The following TCHP variants were observed in gnomAD, a reference collection of about 807,000 sequenced individuals.
The protein encoded by TCHP is trichoplein keratin filament-binding protein.
Under a neutral mutation model 88.7 loss-of-function variants are expected in TCHP, and 81 were observed. The ratio of observed to expected loss-of-function variants is 0.91; its 90% confidence interval spans 0.76 to 1.10. TCHP has a LOEUF of 1.10. TCHP is among the 50% of genes least tolerant of loss of function. TCHP has a pLI of 0.00. For missense variants in TCHP, 641 were observed against 632.1 expected, an observed-to-expected ratio of 1.01 and a Z score of -0.15; for synonymous variants, 232 against 232.5, an observed-to-expected ratio of 1.00 and a Z score of 0.02.
intron 3 of TCHP, 28 bp from the exon 4 acceptor site, chr12:109,904,709 G>A: frequency 6.2e-7 from 1 of 1,605,412 alleles, no homozygotes; most frequent in Non-Finnish European, 8.5e-7. Flanking sequence ...AATGACATCA[G>A]GCTTTCCATT....
chr12:109,882,096 G>A, the TCHP span, among the ~76,000 whole-genome samples: 1 of 152,302 alleles, frequency 6.6e-6, no homozygotes, highest in Non-Finnish European at 1.5e-5. Context: ...AAATAAAACA[G>A]TGTAGTGACG....
upstream of TCHP, among the ~76,000 whole-genome samples, chr12:109,899,145 A>G (rs2136062473): frequency 6.6e-6 from 1 of 152,354 alleles, no homozygotes; most frequent in South Asian, 2.1e-4. Context: ...ATCCAGGAAA[A>G]ACAGAGATGA....
rs77606151 is a variant in TCHP, at chr12:109,918,048, A to G, written c.*1425A>G. The G allele has an allele frequency of 6.0e-4, 91 of 152,340 alleles. No homozygotes were observed. The highest frequency in any genetic ancestry group is 2.0e-3 in the African/African-American group (83 of 41,584). The allele number at this position is 152,340 out of a possible 1,614,324, so 9.4% of individuals were successfully genotyped here. A position where few individuals can be genotyped will look rare whatever the true frequency, so the allele number is the denominator to read the frequency against. On this transcript the variant is annotated 3_prime_UTR_variant, in exon 13 of 13. Coordinates refer to ENST00000405876, the MANE Select transcript of TCHP (RefSeq NM_001143852.2). Reference sequence around the variant, plus strand: ...ATTTCAGATGTCCAGTAATGGTGAAATAAAATCCTGCTTCGACAGCATGGC... The same window carrying G: ...ATTTCAGATGTCCAGTAATGGTGAAGTAAAATCCTGCTTCGACAGCATGGC...
At chr12:109,906,408 T>G (rs1870124967) in intron 4 of TCHP, among the ~76,000 whole-genome samples, 164 bp from the exon 5 acceptor site, 2 of 152,174 alleles carry the variant, frequency 1.3e-5, no homozygotes, top group Admixed American at 1.3e-4. Flanking sequence ...CTATACATGT[T>G]GAAGTCACCC....
Position 109,904,138 on chromosome 12 carries a change from G to A in TCHP, c.390G>A (p.Gln130=), listed in dbSNP as rs1164964046. The change falls in exon 3 of 13, where the codon CAG becomes CAA. Residue 130 remains glutamine (Q), a synonymous_variant. Coordinates refer to ENST00000405876, the MANE Select transcript of TCHP (RefSeq NM_001143852.2). ...HGKLKSAKEE[Q]RKLIAEQLLY... Reference sequence around the variant, plus strand: ...AGCTGAAATCAGCCAAAGAAGAGCAGAGGAAACTGGTAACTCCCCAGAGGG... The same window carrying A: ...AGCTGAAATCAGCCAAAGAAGAGCAAAGGAAACTGGTAACTCCCCAGAGGG... 6.4e-7 allele frequency: 1 copy of A among 1,569,070 alleles called. No homozygotes were observed. Among genetic ancestry groups the A allele is most frequent in the South Asian group, 1.2e-5 (1 of 85,446 alleles).
In TCHP at chr12:109,917,231, T is replaced by C. The variant is rs1870869956; in HGVS notation, c.*608T>C. 6.6e-6 allele frequency: 1 copy of C among 152,218 alleles called. No individual in the cohort carries two copies. The highest frequency in any genetic ancestry group is 2.1e-4 in the South Asian group (1 of 4,834). The allele number at this position is 152,218 out of a possible 1,614,324, so 9.4% of individuals were successfully genotyped here. On this transcript the variant is annotated 3_prime_UTR_variant, in exon 13 of 13. Coordinates refer to ENST00000405876, the MANE Select transcript of TCHP (RefSeq NM_001143852.2). ...CCAGAAAAGTGGCAAGAGATGAGTC[T>C]TTCCTCCTCCAGGAAGCATTTTGGT...
intron 1 of TCHP, among the ~76,000 whole-genome samples, chr12:109,901,969 C>T (rs1242107443): frequency 2.0e-5 from 3 of 152,124 alleles, no homozygotes; most frequent in South Asian, 2.1e-4. Flanking sequence ...TGCCAAATAG[C>T]GAGGTGATTG....
At position 109,916,776 on chromosome 12, in the gene TCHP, C is replaced by G. The variant is rs1365051433; in HGVS notation, c.*153C>G. ...GCTCAGGTTCATCATTGAAACATCC[C>G]AGTGTTTGGCCAGACATTAAGGTGT... On this transcript the variant is annotated 3_prime_UTR_variant, in exon 13 of 13. Transcript: ENST00000405876. 2.4e-5 allele frequency: 17 copies of G among 698,646 alleles called. No homozygotes were observed. Among genetic ancestry groups the G allele is most frequent in the Non-Finnish European group, 3.4e-5 (14 of 412,440 alleles). 43.3% of individuals were successfully genotyped at this position (698,646 alleles called of 1,614,324 possible).
At chr12:109,904,182 C>G (rs750187115) in intron 3 of TCHP, 35 bp downstream of exon 3, 1 of 1,535,526 alleles carries the variant, frequency 6.5e-7, no homozygotes, top group Non-Finnish European at 8.8e-7. Flanking sequence ...GGCTGTGGAG[C>G]AGGAGTGTTC....
At chr12:109,881,248 CG>C in the TCHP span, among the ~76,000 whole-genome samples, 2 of 152,218 alleles carry the variant, frequency 1.3e-5, no homozygotes, top group Non-Finnish European at 2.9e-5. Flanking sequence ...TCTCCATTCA[CG>C]CCCTTTACAC....
the TCHP span, among the ~76,000 whole-genome samples, chr12:109,884,833 T>A: frequency 6.6e-6 from 1 of 152,238 alleles, no homozygotes. Flanking sequence ...TGAATGTGTA[T>A]TTCCTCCAAA....
intron 4 of TCHP, 130 bp downstream of exon 4, chr12:109,904,923 C>T (rs113163457): frequency 0.02 from 14,882 of 762,572 alleles, 223 homozygotes; most frequent in South Asian, 0.048. Flanking sequence ...CTGAAAAGAG[C>T]GCCAGGCAGA....
At chr12:109,912,686 G>A (rs185115287) in intron 9 of TCHP, among the ~76,000 whole-genome samples, 2 of 152,244 alleles carry the variant, frequency 1.3e-5, no homozygotes, top group East Asian at 3.9e-4. Context: ...AGCTACTCAG[G>A]AGACTGAGGT....
In TCHP at chr12:109,905,752, G is replaced by A. The variant is rs935664535; in HGVS notation, c.457-820G>A. ...GTGCAGTTTGCACTAATCTGTGGGA[G>A]GACTCCTTAGCCCTGTTGGCTTCGG... On this transcript the variant is annotated intron_variant, in intron 4 of 12. Transcript: ENST00000405876. The surrounding 1 kb of genome is among the most constrained non-coding windows in gnomAD (Gnocchi z 4.0). Among the ~76,000 whole-genome samples the A allele has an allele frequency of 7.2e-5, 11 of 152,208 alleles. No individual in the cohort carries two copies. Among genetic ancestry groups the A allele is most frequent in the African/African-American group, 2.7e-4 (11 of 41,438 alleles).
At position 109,908,637 on chromosome 12, in the gene TCHP, C is replaced by G. The variant is rs1870290405; in HGVS notation, c.751C>G (p.Leu251Val). Residue 251 changes from leucine (L) to valine (V), a missense_variant, in exon 7 of 13, where the codon CTA becomes GTA. Physicochemically the swap from Leu to Val is conservative, Grantham distance 32 (BLOSUM62 1). Coordinates refer to ENST00000405876, the MANE Select transcript of TCHP (RefSeq NM_001143852.2). ...GAATCTGTTGAAGCAGCGGTGGGAG[C>G]TAGAGAGGCTGGAGGAAGAGCGAAA... ...QENLLKQRWE[L>V]ERLEEERKQM... 6.2e-7 allele frequency: 1 copy of G among 1,602,988 alleles called. No homozygotes were observed. The highest frequency in any genetic ancestry group is 2.2e-5 in the East Asian group (1 of 44,522).
chr12:109,916,534 C>T (rs1048807629), intron 12 of TCHP, 57 bp from the exon 13 acceptor site: 1 of 1,527,986 alleles, frequency 6.5e-7, no homozygotes, highest in Non-Finnish European at 8.9e-7. Flanking sequence ...AAGGTTAATT[C>T]CTCATGCTGC....
At chr12:109,902,966 C>T in intron 1 of TCHP, 61 bp from the exon 2 acceptor site, 1 of 1,471,334 alleles carries the variant, frequency 6.8e-7, no homozygotes, top group Non-Finnish European at 9.2e-7. Flanking sequence ...GGGATGAGGC[C>T]AAGCTGGTGA....
At chr12:109,908,406 G>A (rs944421398) in intron 6 of TCHP, among the ~76,000 whole-genome samples, 180 bp from the exon 7 acceptor site, 3 of 152,232 alleles carry the variant, frequency 2.0e-5, no homozygotes, top group Non-Finnish European at 4.4e-5. Context: ...AAAGGCCCTT[G>A]CAGGAAATGG....
chr12:109,915,075 A>G, intron 11 of TCHP: 2 of 476,472 alleles, frequency 4.2e-6, no homozygotes, highest in South Asian at 4.2e-5. Flanking sequence ...CATGCCATGC[A>G]TACAGCCTCT....
Sources: allele counts gnomAD v4.1 joint callset (sites outside exome capture counted in the v4.1 genomes callset), GRCh38; gene constraint gnomAD v4.1.1; non-coding constraint Gnocchi (gnomAD v3.1); transcripts MANE v1.5; gene names NCBI Gene and HGNC (gene_info 2026-07-23, HGNC 2026-07-21).